Variants in ZNRF2 observed in about 807,000 individuals in gnomAD.
ZNRF2 encodes the protein zinc and ring finger 2.
In ZNRF2, 16 loss-of-function variants were observed where a neutral mutation model predicts 20.4. That is an observed-to-expected ratio of 0.79 (90% CI 0.53 to 1.19). The LOEUF (loss-of-function observed/expected upper bound fraction) is 1.19, where lower values mean the gene tolerates loss of function less well. Ranked by LOEUF, ZNRF2 falls within the 50% of genes most tolerant of loss-of-function variation. The pLI, the probability that ZNRF2 is intolerant of heterozygous loss-of-function variation, is 0.00. For synonymous variants in ZNRF2, 178 were observed against 144.9 expected, an observed-to-expected ratio of 1.23 and a Z score of -1.64; for missense variants, 363 against 332.4, an observed-to-expected ratio of 1.09 and a Z score of -0.72.
intron 2 of ZNRF2, among the ~76,000 whole-genome samples, chr7:30,336,027 T>C (rs1423994086): frequency 6.6e-6 from 1 of 152,146 alleles, no homozygotes; most frequent in African/African-American, 2.4e-5. Context: ...CTAGCTGCTG[T>C]AAACCATATG....
intron 2 of ZNRF2, among the ~76,000 whole-genome samples, chr7:30,334,020 A>AT (rs567112544): frequency 6.6e-6 from 1 of 151,972 alleles, no homozygotes; most frequent in Non-Finnish European, 1.5e-5. Context: ...TGTCAATTTT[A>AT]TTTTTGTTGC....
At chr7:30,362,779 G>A (rs755758652) in intron 4 of ZNRF2, among the ~76,000 whole-genome samples, 2 of 152,034 alleles carry the variant, frequency 1.3e-5, no homozygotes, top group African/African-American at 4.8e-5. Flanking sequence ...GCCAGGCTTG[G>A]TGGTGCACAC....
intron 1 of ZNRF2, among the ~76,000 whole-genome samples, chr7:30,316,930 C>G (rs1219351456): frequency 1.3e-5 from 2 of 152,132 alleles, no homozygotes; most frequent in African/African-American, 2.4e-5. Context: ...AGACTCCAGG[C>G]CTTTTGCTGC....
At chr7:30,357,268 C>G (rs1474869412) in intron 3 of ZNRF2, among the ~76,000 whole-genome samples, 1 of 152,152 alleles carries the variant, frequency 6.6e-6, no homozygotes, top group Non-Finnish European at 1.5e-5. Flanking sequence ...GAACATAAAG[C>G]AAATCGCAGC....
chr7:30,342,358 GCTGGTA>G (rs1168217048), intron 2 of ZNRF2, among the ~76,000 whole-genome samples: 1 of 152,116 alleles, frequency 6.6e-6, no homozygotes. Context: ...TTTTGTAGTG[GCTGGTA>G]CTGGTTTTTC....
chr7:30,347,643 G>A (rs1799898501), intron 2 of ZNRF2, among the ~76,000 whole-genome samples: 1 of 152,126 alleles, frequency 6.6e-6, no homozygotes, highest in Admixed American at 6.6e-5. Context: ...AGCCCAGGAG[G>A]CAGAGGCTGC....
At chr7:30,341,172 C>G (rs1236625262) in intron 2 of ZNRF2, among the ~76,000 whole-genome samples, 1 of 152,076 alleles carries the variant, frequency 6.6e-6, no homozygotes, top group Non-Finnish European at 1.5e-5. Flanking sequence ...TTAATCTTTT[C>G]AAAATAACAG....
Position 30,285,164 on chromosome 7 carries a change from C to T in ZNRF2, c.-194C>T. On this transcript the variant is annotated 5_prime_UTR_variant, in exon 1 of 5. Coordinates refer to ENST00000323037, the MANE Select transcript of ZNRF2 (RefSeq NM_147128.4). ...TCCCGCGCCCGCGTCAGGCCGTCGG[C>T]CTCGCCCGCCGCCCCAAGAAGAGCG... is the stretch of plus-strand genomic sequence containing the variant. The T allele has an allele frequency of 2.4e-6, 1 of 423,748 alleles. No homozygotes were observed. The highest frequency in any genetic ancestry group is 4.4e-6 in the Non-Finnish European group (1 of 225,922). The allele number at this position is 423,748 out of a possible 1,614,324, so 26.2% of individuals were successfully genotyped here. A position where few individuals can be genotyped will look rare whatever the true frequency, so the allele number is the denominator to read the frequency against.
chr7:30,348,963 AT>A (rs149549124), intron 2 of ZNRF2, among the ~76,000 whole-genome samples: 6,073 of 152,240 alleles, frequency 0.04, 394 homozygotes, highest in African/African-American at 0.14. Flanking sequence ...TACTCCTCAA[AT>A]TCATTCTAAC....
intron 3 of ZNRF2, among the ~76,000 whole-genome samples, chr7:30,357,640 C>A (rs1208041554): frequency 6.6e-6 from 1 of 152,030 alleles, no homozygotes; most frequent in East Asian, 1.9e-4. Flanking sequence ...GACCCACAGA[C>A]CACCAGTTGG....
At chr7:30,305,603 G>A (rs1350303857) in intron 1 of ZNRF2, among the ~76,000 whole-genome samples, 3 of 152,014 alleles carry the variant, frequency 2.0e-5, no homozygotes, top group African/African-American at 7.2e-5. Context: ...ACTCATTTTA[G>A]CAAGGAGTAC....
At chr7:30,311,974 A>G (rs1425139069) in intron 1 of ZNRF2, among the ~76,000 whole-genome samples, 2 of 152,172 alleles carry the variant, frequency 1.3e-5, no homozygotes, top group Admixed American at 6.6e-5. Flanking sequence ...ATAACAAAAA[A>G]TACTTTTAGC....
intron 1 of ZNRF2, among the ~76,000 whole-genome samples, chr7:30,323,040 C>G (rs1799497691): frequency 6.6e-6 from 1 of 152,030 alleles, no homozygotes; most frequent in African/African-American, 2.4e-5. Flanking sequence ...AAACCTGTAC[C>G]CCGATCTGAT....
chr7:30,316,698 T>C (rs1314340022), intron 1 of ZNRF2, among the ~76,000 whole-genome samples: 6 of 152,214 alleles, frequency 3.9e-5, no homozygotes, highest in Non-Finnish European at 5.9e-5. Flanking sequence ...TGTTTCCTCT[T>C]TGGCCTCTTG....
chr7:30,342,842 T>C (rs1447308712), intron 2 of ZNRF2, among the ~76,000 whole-genome samples: 1 of 152,130 alleles, frequency 6.6e-6, no homozygotes, highest in Non-Finnish European at 1.5e-5. Context: ...GGGGGTGTCT[T>C]TTTTAACTCA....
chr7:30,324,534 G>A (rs1394463323), intron 2 of ZNRF2, among the ~76,000 whole-genome samples: 1 of 149,606 alleles, frequency 6.7e-6, no homozygotes, highest in East Asian at 2.0e-4. Context: ...TGGAGACAGA[G>A]TGAGACTCTG....
At chr7:30,346,871 C>A (rs1212361801) in intron 2 of ZNRF2, among the ~76,000 whole-genome samples, 1 of 152,016 alleles carries the variant, frequency 6.6e-6, no homozygotes, top group Non-Finnish European at 1.5e-5. Flanking sequence ...GATTTGTCTT[C>A]TTACAGTTTT....
chr7:30,298,943 C>T (rs1465743368), intron 1 of ZNRF2, among the ~76,000 whole-genome samples: 6 of 152,168 alleles, frequency 3.9e-5, no homozygotes, highest in Admixed American at 2.0e-4. Context: ...ATTTTCTTTC[C>T]AGAGTCTAAA....
chr7:30,311,011 G>C (rs1799284056), intron 1 of ZNRF2, among the ~76,000 whole-genome samples: 1 of 152,108 alleles, frequency 6.6e-6, no homozygotes, highest in Non-Finnish European at 1.5e-5. Context: ...TAAACTACAT[G>C]CCTTTTCCAA....
Sources: gnomAD v4.1 joint callset for allele counts (sites outside exome capture counted in the v4.1 genomes callset) on GRCh38, gnomAD v4.1.1 for gene constraint, MANE v1.5 for transcripts, NCBI Gene and HGNC (gene_info 2026-07-23, HGNC 2026-07-21) for gene names.